The following SCFD2 variants were observed in gnomAD, a reference collection of about 807,000 sequenced individuals.
SCFD2 encodes the protein sec1 family domain containing 2, also known as sec1 family domain-containing protein 2.
A neutral mutation model predicts 58.9 loss-of-function variants in SCFD2; 54 were observed. The ratio of observed to expected loss-of-function variants is 0.92; its 90% confidence interval spans 0.74 to 1.15. SCFD2 has a LOEUF of 1.15. Ranked by LOEUF, SCFD2 falls within the 50% of genes most tolerant of loss-of-function variation. SCFD2 has a pLI of 0.00. For synonymous variants in SCFD2, 321 were observed against 335.9 expected (o/e 0.96, Z 0.49); for missense variants, 805 against 836.6 (o/e 0.96, Z 0.47).
intron 5 of SCFD2, among the ~76,000 whole-genome samples, chr4:52,955,684 A>T (rs772360856): frequency 4.3e-4 from 66 of 152,322 alleles, no homozygotes; most frequent in Non-Finnish European, 7.8e-4. Flanking sequence ...TGTTAACACA[A>T]CCTGATAGGA....
chr4:53,212,391 G>T (rs1274095554), intron 4 of SCFD2, among the ~76,000 whole-genome samples: 2 of 152,038 alleles, frequency 1.3e-5, no homozygotes, highest in African/African-American at 2.4e-5. Flanking sequence ...TAGTCAGCAG[G>T]TGTTTGTCCA....
At chr4:53,036,467 G>A (rs1259608407) in intron 5 of SCFD2, among the ~76,000 whole-genome samples, 1 of 151,088 alleles carries the variant, frequency 6.6e-6, no homozygotes, top group Non-Finnish European at 1.5e-5. Context: ...TAGTAGACCG[G>A]ATAAAGAAAA....
intron 5 of SCFD2, among the ~76,000 whole-genome samples, chr4:53,027,162 A>G (rs183687753): frequency 6.6e-6 from 1 of 152,122 alleles, no homozygotes; most frequent in East Asian, 1.9e-4. Context: ...CTGCAAACAC[A>G]TCCTCTCAGC....
chr4:53,361,475 C>A (rs762995237), intron 1 of SCFD2, among the ~76,000 whole-genome samples: 1 of 152,224 alleles, frequency 6.6e-6, no homozygotes, highest in Non-Finnish European at 1.5e-5. Context: ...CAGCTTACTG[C>A]AGCTTCAAAC....
chr4:53,128,654 A>T (rs1201588130), intron 5 of SCFD2, among the ~76,000 whole-genome samples: 1 of 152,222 alleles, frequency 6.6e-6, no homozygotes, highest in Non-Finnish European at 1.5e-5. Context: ...CATTTACAGA[A>T]TAAATTGGTG....
chr4:52,873,789 AG>A lies in SCFD2; in HGVS notation c.*179del. 1 of 411,788 alleles carries A rather than the reference AG, an allele frequency of 2.4e-6. No individual in the cohort carries two copies. The highest frequency in any genetic ancestry group is 3.7e-5 in the East Asian group (1 of 27,268). The allele number at this position is 411,788 out of a possible 1,614,324, so 25.5% of individuals were successfully genotyped here. On this transcript the variant is annotated 3_prime_UTR_variant, in exon 9 of 9. Transcript: ENST00000401642. The stretch of plus-strand genomic sequence containing the variant: ...AAAAAACTTTTTTTTTTTTTTTTTA[AG>A]AATCACAGCAATCCAAGCAAAGTAC...
At chr4:53,343,502 A>C (rs1222876172) in intron 2 of SCFD2, among the ~76,000 whole-genome samples, 1 of 152,226 alleles carries the variant, frequency 6.6e-6, no homozygotes, top group African/African-American at 2.4e-5. Flanking sequence ...AGACAGAATC[A>C]CATCCAAAGT....
At chr4:53,066,002 A>G (rs1723652727) in intron 5 of SCFD2, among the ~76,000 whole-genome samples, 1 of 152,124 alleles carries the variant, frequency 6.6e-6, no homozygotes, top group African/African-American at 2.4e-5. Flanking sequence ...AGGAATATGA[A>G]CTTGTGGCAA....
intron 4 of SCFD2, among the ~76,000 whole-genome samples, chr4:53,201,090 T>C (rs2148967448): frequency 6.6e-6 from 1 of 152,206 alleles, no homozygotes; most frequent in Non-Finnish European, 1.5e-5. Flanking sequence ...TTCTTACATA[T>C]GTATACATGT....
chr4:53,358,388 A>C (rs1246558015), intron 1 of SCFD2, among the ~76,000 whole-genome samples: 4 of 151,996 alleles, frequency 2.6e-5, no homozygotes, highest in Non-Finnish European at 4.4e-5. Flanking sequence ...CAAAACAAAA[A>C]AATACAAAAA....
At chr4:53,244,997 G>C (rs1319105049) in intron 4 of SCFD2, among the ~76,000 whole-genome samples, 1 of 151,804 alleles carries the variant, frequency 6.6e-6, no homozygotes, top group African/African-American at 2.4e-5. Flanking sequence ...ACACAAACCA[G>C]AAAATCTAAA....
chr4:52,907,425 C>T (rs749601332), intron 7 of SCFD2, 32 bp downstream of exon 7: 9 of 1,607,938 alleles, frequency 5.6e-6, no homozygotes, highest in Middle Eastern at 1.6e-4. Context: ...AACATTTCTA[C>T]ACTCAGGATT....
At chr4:52,985,743 G>A (rs1434676084) in intron 5 of SCFD2, among the ~76,000 whole-genome samples, 1 of 151,508 alleles carries the variant, frequency 6.6e-6, no homozygotes, top group Non-Finnish European at 1.5e-5. Flanking sequence ...TGGAATTCTG[G>A]GTTGAAGTTA....
intron 5 of SCFD2, among the ~76,000 whole-genome samples, chr4:53,114,055 T>C (rs1725250056): frequency 6.6e-6 from 1 of 152,132 alleles, no homozygotes; most frequent in African/African-American, 2.4e-5. Context: ...CACCACTTAC[T>C]AGCTGTGTGA....
intron 4 of SCFD2, among the ~76,000 whole-genome samples, chr4:53,218,095 T>C (rs1187010230): frequency 6.6e-6 from 1 of 152,176 alleles, no homozygotes; most frequent in African/African-American, 2.4e-5. Flanking sequence ...TCATTTCAAC[T>C]TTGGTGAATC....
intron 2 of SCFD2, among the ~76,000 whole-genome samples, chr4:53,334,362 CAAT>C (rs1384135761): frequency 2.0e-5 from 3 of 152,054 alleles, no homozygotes; most frequent in Non-Finnish European, 2.9e-5. Flanking sequence ...AAATGTCCAA[CAAT>C]GACAGACTGG....
At chr4:53,099,610 G>C (rs780141165) in intron 5 of SCFD2, among the ~76,000 whole-genome samples, 1 of 152,204 alleles carries the variant, frequency 6.6e-6, no homozygotes, top group Non-Finnish European at 1.5e-5. Flanking sequence ...CATGTGCAGA[G>C]ATCACATTGT....
At chr4:53,196,421 A>G (rs116264121) in intron 4 of SCFD2, among the ~76,000 whole-genome samples, 1 of 152,282 alleles carries the variant, frequency 6.6e-6, no homozygotes, top group Non-Finnish European at 1.5e-5. Context: ...TAATGTTTAT[A>G]TAAGTGGAGG....
intron 2 of SCFD2, among the ~76,000 whole-genome samples, chr4:53,319,693 G>A (rs1732970261): frequency 6.6e-6 from 1 of 151,912 alleles, no homozygotes; most frequent in African/African-American, 2.4e-5. Flanking sequence ...CATCTCGTCT[G>A]GTTAATTTTT....
Sources: allele counts gnomAD v4.1 joint callset (sites outside exome capture counted in the v4.1 genomes callset), GRCh38; gene constraint gnomAD v4.1.1; transcripts MANE v1.5; gene names NCBI Gene and HGNC (gene_info 2026-07-23, HGNC 2026-07-21).